Variants in SLC24A2 observed in about 807,000 individuals in gnomAD.
The protein encoded by SLC24A2 is solute carrier family 24 member 2.
In SLC24A2, 36 loss-of-function variants were observed where a neutral mutation model predicts 62.0. The ratio of observed to expected loss-of-function variants is 0.58; its 90% CI spans 0.44 to 0.77. SLC24A2 has a LOEUF of 0.77. SLC24A2 is among the 30% of genes least tolerant of loss of function. The pLI is 0.00. For synonymous variants in SLC24A2, 358 were observed against 294.0 expected, an observed-to-expected ratio of 1.22 and a Z score of -2.23; for missense variants, 846 against 817.9, an observed-to-expected ratio of 1.03 and a Z score of -0.42.
chr9:20,240,040 G>T, the SLC24A2 span, among the ~76,000 whole-genome samples: 6,122 of 152,186 alleles, frequency 0.04, 357 homozygotes, highest in African/African-American at 0.13. Context: ...CATTTCAGGA[G>T]AGGTGAGAGA....
At chr9:19,670,826 T>A (rs1228411269) in intron 2 of SLC24A2, among the ~76,000 whole-genome samples, 1 of 152,188 alleles carries the variant, frequency 6.6e-6, no homozygotes, top group African/African-American at 2.4e-5. Context: ...GAGGAAGGCC[T>A]GCTTTATCTG....
At chr9:20,114,926 AC>A in the SLC24A2 span, among the ~76,000 whole-genome samples, 1 of 152,308 alleles carries the variant, frequency 6.6e-6, no homozygotes, top group South Asian at 2.1e-4. Context: ...GAAAAGACAT[AC>A]AAATTTATTA....
At chr9:19,652,804 T>C (rs1818838052) in intron 2 of SLC24A2, among the ~76,000 whole-genome samples, 1 of 152,218 alleles carries the variant, frequency 6.6e-6, no homozygotes, top group East Asian at 1.9e-4. Flanking sequence ...TTTTCCTCTT[T>C]GTAGTTTATC....
chr9:20,019,301 AAGAAAG>A, the SLC24A2 span, among the ~76,000 whole-genome samples: 2 of 148,138 alleles, frequency 1.4e-5, no homozygotes. Context: ...GAAAGAAAGA[AAGAAAG>A]AAAGAAAGTG....
the SLC24A2 span, among the ~76,000 whole-genome samples, chr9:20,082,894 C>G: frequency 1.3e-5 from 2 of 152,212 alleles, no homozygotes; most frequent in East Asian, 3.9e-4. Flanking sequence ...AAAAAGCTAC[C>G]CAAATAAAGC....
chr9:20,293,343 G>A, the SLC24A2 span, among the ~76,000 whole-genome samples: 2 of 152,182 alleles, frequency 1.3e-5, no homozygotes, highest in African/African-American at 4.8e-5. Flanking sequence ...CCTCATCTAA[G>A]AGATTCCTTC....
intron 5 of SLC24A2, among the ~76,000 whole-genome samples, chr9:19,584,309 A>G (rs1836300796): frequency 6.6e-6 from 1 of 151,932 alleles, no homozygotes; most frequent in Non-Finnish European, 1.5e-5. Flanking sequence ...AAAAAACAAA[A>G]CAAAACAAAC....
the SLC24A2 span, among the ~76,000 whole-genome samples, chr9:20,291,088 G>T: frequency 1.3e-5 from 2 of 152,176 alleles, no homozygotes; most frequent in African/African-American, 2.4e-5. Context: ...TATCAACAAT[G>T]AACAGAGGAA....
intron 2 of SLC24A2, among the ~76,000 whole-genome samples, chr9:19,644,994 G>A (rs1263257181): frequency 6.6e-6 from 1 of 152,054 alleles, no homozygotes; most frequent in Non-Finnish European, 1.5e-5. Context: ...AACTATACAA[G>A]GAGAATCAGA....
At chr9:20,201,139 G>A in the SLC24A2 span, among the ~76,000 whole-genome samples, 2 of 152,168 alleles carry the variant, frequency 1.3e-5, no homozygotes, top group East Asian at 1.9e-4. Flanking sequence ...TTGGCTGCAT[G>A]CTCCAGACAC....
intron 7 of SLC24A2, among the ~76,000 whole-genome samples, chr9:19,565,834 T>A (rs946418356): frequency 2.0e-5 from 3 of 152,080 alleles, no homozygotes; most frequent in Non-Finnish European, 4.4e-5. Context: ...ATCTGATCTT[T>A]GACAAACATG....
chr9:19,976,383 G>A, the SLC24A2 span, among the ~76,000 whole-genome samples: 1 of 152,156 alleles, frequency 6.6e-6, no homozygotes, highest in Non-Finnish European at 1.5e-5. Flanking sequence ...TAGTGAATGA[G>A]TTCTCATGAG....
intron 8 of SLC24A2, among the ~76,000 whole-genome samples, chr9:19,534,839 AG>A (rs1400685601): frequency 1.3e-5 from 2 of 152,208 alleles, no homozygotes; most frequent in African/African-American, 4.8e-5. Context: ...GTGTCTTTAT[AG>A]TAGAATGATT....
At chr9:20,166,545 T>C in the SLC24A2 span, among the ~76,000 whole-genome samples, 2 of 151,918 alleles carry the variant, frequency 1.3e-5, no homozygotes, top group African/African-American at 4.8e-5. Flanking sequence ...AAAATAACAA[T>C]GTACAGGAGT....
At chr9:19,943,681 A>G in the SLC24A2 span, among the ~76,000 whole-genome samples, 1 of 152,214 alleles carries the variant, frequency 6.6e-6, no homozygotes, top group South Asian at 2.1e-4. Flanking sequence ...TTCTGACCCA[A>G]GACACAGAAT....
chr9:19,523,485 C>T (rs7039343), intron 9 of SLC24A2, among the ~76,000 whole-genome samples: 2,145 of 151,894 alleles, frequency 0.014, 47 homozygotes, highest in African/African-American at 0.045. Context: ...TTTTTTGAGA[C>T]GGAGTCTCGT....
the SLC24A2 span, among the ~76,000 whole-genome samples, chr9:20,133,028 T>C: frequency 2.6e-5 from 4 of 152,260 alleles, no homozygotes; most frequent in East Asian, 1.9e-4. Context: ...AATGCAGCTA[T>C]GAAGAGATTT....
At chr9:20,223,507 G>A in the SLC24A2 span, among the ~76,000 whole-genome samples, 2 of 152,106 alleles carry the variant, frequency 1.3e-5, no homozygotes, top group Non-Finnish European at 2.9e-5. Context: ...ATCCTAAAAT[G>A]TTTGTGGAAG....
chr9:20,206,743 T>C, the SLC24A2 span, among the ~76,000 whole-genome samples: 104,782 of 152,076 alleles, frequency 0.69, 38,372 homozygotes, highest in Non-Finnish European at 0.8. Context: ...CCTCCCAAAG[T>C]GCTGGGATTA....
Sources: allele counts gnomAD v4.1 joint callset (sites outside exome capture counted in the v4.1 genomes callset), GRCh38; gene constraint gnomAD v4.1.1; transcripts MANE v1.5; gene names NCBI Gene and HGNC (gene_info 2026-07-23, HGNC 2026-07-21).